The following STRBP variants were observed in gnomAD, a reference collection of about 807,000 sequenced individuals.
STRBP encodes spermatid perinuclear RNA-binding protein.
Under a neutral mutation model 80.1 loss-of-function variants are expected in STRBP, and 13 were observed. The ratio of observed to expected loss-of-function variants is 0.16; its 90% confidence interval spans 0.11 to 0.26. STRBP has a LOEUF of 0.26. Among genes scored for constraint, STRBP ranks in the 10% least tolerant of loss-of-function variants. The pLI, the probability that STRBP is intolerant of heterozygous loss-of-function variation, is 1.00. For missense variants in STRBP, 485 were observed against 815.2 expected (o/e 0.59, Z 4.93); for synonymous variants, 284 against 291.2 (o/e 0.98, Z 0.25).
intron 2 of STRBP, among the ~76,000 whole-genome samples, chr9:123,226,384 CTTT>C (rs1416428794): frequency 6.6e-6 from 1 of 152,034 alleles, no homozygotes; most frequent in Non-Finnish European, 1.5e-5. Flanking sequence ...ATAAAAATGA[CTTT>C]TTTATTATTA....
At chr9:123,130,934 G>T (rs937644494) in intron 17 of STRBP, among the ~76,000 whole-genome samples, 1 of 151,728 alleles carries the variant, frequency 6.6e-6, no homozygotes, top group African/African-American at 2.4e-5. Context: ...TACTATCAAT[G>T]TCTCTTGCCT....
Position 123,125,524 on chromosome 9 carries a change from T to TA in STRBP, c.*72dup. 1 of 1,423,952 alleles carries TA rather than the reference T, an allele frequency of 7.0e-7. No homozygotes were observed. Among genetic ancestry groups the TA allele is most frequent in the East Asian group, 2.6e-5 (1 of 39,154 alleles). The allele number at this position is 1,423,952 out of a possible 1,614,324, so 88.2% of individuals were successfully genotyped here. A position where few individuals can be genotyped will look rare whatever the true frequency, so the allele number is the denominator to read the frequency against. On this transcript the variant is annotated 3_prime_UTR_variant, in exon 19 of 19. Coordinates refer to ENST00000348403, the MANE Select transcript of STRBP (RefSeq NM_018387.5). ...AAGTATGTGTTCAAAGAAAGCAGGA[T>TA]AAAAAGGCTTTTTCTCTAACATTCT...
At chr9:123,116,389 ATAGGGT>A (rs2035645237) in intron 2 of STRBP, among the ~76,000 whole-genome samples, 1 of 152,188 alleles carries the variant, frequency 6.6e-6, no homozygotes, top group South Asian at 2.1e-4. Flanking sequence ...GCACTTTATT[ATAGGGT>A]TCAGTTACAG....
intron 2 of STRBP, among the ~76,000 whole-genome samples, chr9:123,199,273 G>T (rs1364129889): frequency 6.6e-6 from 1 of 152,208 alleles, no homozygotes; most frequent in African/African-American, 2.4e-5. Flanking sequence ...TACTGTTTTG[G>T]TAACTGTATC....
intron 13 of STRBP, among the ~76,000 whole-genome samples, chr9:123,140,437 T>C (rs939193776): frequency 3.9e-5 from 6 of 152,058 alleles, no homozygotes; most frequent in African/African-American, 7.2e-5. Context: ...CTACTAAAGA[T>C]ACAAAAATTA....
At chr9:123,228,025 C>T (rs534291981) in intron 2 of STRBP, among the ~76,000 whole-genome samples, 2 of 152,058 alleles carry the variant, frequency 1.3e-5, no homozygotes, top group African/African-American at 4.8e-5. Flanking sequence ...AGAAGTGTTA[C>T]GACACTGCAG....
chr9:123,116,039 C>T (rs768215541), exon 3 of STRBP: 7 of 456,158 alleles, frequency 1.5e-5, no homozygotes, highest in Non-Finnish European at 3.1e-5. Flanking sequence ...CCCCAGGTGC[C>T]AATTTCCATA....
At chr9:123,166,976 A>G (rs1365758532) in intron 6 of STRBP, among the ~76,000 whole-genome samples, 1 of 152,188 alleles carries the variant, frequency 6.6e-6, no homozygotes, top group Admixed American at 6.5e-5. Flanking sequence ...ACAATACCAA[A>G]GAGATTCACT....
rs957824930 is a variant in STRBP at position 123,122,200 on chromosome 9, T to A, written c.*3397A>T. On this transcript the variant is annotated 3_prime_UTR_variant, in exon 19 of 19. Coordinates refer to ENST00000348403, the MANE Select transcript of STRBP (RefSeq NM_018387.5). ...GAAAATAAAAGAGCTTACCTTTGTA[T>A]ACTGAGATCACAGCTTACAGTCACT... 1.5e-6 allele frequency: 1 copy of A among 648,774 alleles called. No homozygotes were observed. Among genetic ancestry groups the A allele is most frequent in the African/African-American group, 1.9e-5 (1 of 52,066 alleles). 40.2% of individuals were successfully genotyped at this position (648,774 alleles called of 1,614,324 possible). A position where few individuals can be genotyped will look rare whatever the true frequency, so the allele number is the denominator to read the frequency against.
chr9:123,208,317 C>G (rs1342059226), intron 2 of STRBP, among the ~76,000 whole-genome samples: 1 of 152,128 alleles, frequency 6.6e-6, no homozygotes, highest in Non-Finnish European at 1.5e-5. Flanking sequence ...TAGGACAGAT[C>G]TATGGAAAGC....
intron 2 of STRBP, among the ~76,000 whole-genome samples, chr9:123,230,035 G>A (rs2040354814): frequency 1.3e-5 from 2 of 152,160 alleles, no homozygotes; most frequent in Admixed American, 1.3e-4. Context: ...AAGTAAGTAT[G>A]ATTAAAGTGT....
At chr9:123,264,328 C>T (rs149241690) in intron 1 of STRBP, among the ~76,000 whole-genome samples, 2 of 152,332 alleles carry the variant, frequency 1.3e-5, no homozygotes, top group East Asian at 3.9e-4. Flanking sequence ...AGCACTAACA[C>T]TTAGCTGAGA....
intron 2 of STRBP, among the ~76,000 whole-genome samples, chr9:123,210,759 A>G (rs2039679697): frequency 1.3e-5 from 2 of 151,954 alleles, no homozygotes; most frequent in African/African-American, 4.8e-5. Context: ...AACCTGGGAG[A>G]CGGAGGCTGC....
intron 1 of STRBP, among the ~76,000 whole-genome samples, chr9:123,264,874 A>G (rs191983709): frequency 4.6e-5 from 7 of 152,348 alleles, no homozygotes; most frequent in African/African-American, 1.7e-4. Context: ...CCAAGTCAAT[A>G]AAATGAACAC....
At chr9:123,146,699 A>G (rs955554687) in intron 13 of STRBP, among the ~76,000 whole-genome samples, 156 bp downstream of exon 13, 12 of 151,866 alleles carry the variant, frequency 7.9e-5, no homozygotes, top group African/African-American at 2.9e-4. Context: ...TTTTACAACA[A>G]CAAAAACAAC....
At chr9:123,135,903 A>C in intron 16 of STRBP, 138 bp downstream of exon 16, 1 of 1,086,036 alleles carries the variant, frequency 9.2e-7, no homozygotes, top group South Asian at 1.6e-5. Context: ...TTCGTGACCT[A>C]ACCCAAAGCA....
rs56654612 is a variant in STRBP, at chr9:123,258,800, C to CA, written c.-302+9635dup. Among the ~76,000 whole-genome samples, 155 of 100,984 alleles carry CA rather than the reference C, an allele frequency of 1.5e-3. 2 individuals carry two copies. The highest frequency in any genetic ancestry group is 2.2e-3 in the Non-Finnish European group (108 of 49,060). 66.2% of individuals were successfully genotyped at this position (100,984 alleles called of 152,430 possible). A position where few individuals can be genotyped will look rare whatever the true frequency, so the allele number is the denominator to read the frequency against. Reference sequence around the variant, plus strand: ...TGGGTGACAGAGCGAGACTCCGTCTCAAAAAAAAAAAAAAAAAAAGAATCC... The same window carrying CA: ...TGGGTGACAGAGCGAGACTCCGTCTCAAAAAAAAAAAAAAAAAAAAGAATCC... On this transcript the variant is annotated intron_variant, in intron 1 of 18. Coordinates refer to ENST00000348403, the MANE Select transcript of STRBP (RefSeq NM_018387.5).
chr9:123,217,405 AC>A (rs2132547375), intron 2 of STRBP, among the ~76,000 whole-genome samples: 1 of 152,350 alleles, frequency 6.6e-6, no homozygotes, highest in Non-Finnish European at 1.5e-5. Flanking sequence ...TATAAGAAAC[AC>A]AAAGAATGTG....
chr9:123,216,644 A>G (rs1479162146), intron 2 of STRBP, among the ~76,000 whole-genome samples: 7 of 152,240 alleles, frequency 4.6e-5, no homozygotes, highest in Non-Finnish European at 1.5e-5. Flanking sequence ...TTCATTCTAA[A>G]GATGCTTTAT....
Sources: gnomAD v4.1 joint callset for allele counts (sites outside exome capture counted in the v4.1 genomes callset) on GRCh38, gnomAD v4.1.1 for gene constraint, MANE v1.5 for transcripts, NCBI Gene and HGNC (gene_info 2026-07-23, HGNC 2026-07-21) for gene names.